SFMBT2: variants seen among roughly 807,000 people sequenced by gnomAD.
SFMBT2 encodes Scm like with four mbt domains 2.
A neutral mutation model predicts 110.1 loss-of-function variants in SFMBT2; 38 were observed. The observed-to-expected ratio is 0.35, with a 90% CI of 0.27 to 0.45. SFMBT2 has a LOEUF of 0.45. Among genes scored for constraint, SFMBT2 ranks in the 20% least tolerant of loss-of-function variants. The pLI is 1.00. For missense variants in SFMBT2, 1,011 were observed against 1,094.9 expected (o/e 0.92, Z 1.08); for synonymous variants, 425 against 425.4 (o/e 1.00, Z 0.01).
chr10:7,248,330 A>C (rs1258462214), intron 8 of SFMBT2, among the ~76,000 whole-genome samples: 1 of 152,268 alleles, frequency 6.6e-6, no homozygotes, highest in African/African-American at 2.4e-5. Context: ...CACCCTATCC[A>C]TGATAAGAGG....
At chr10:7,395,262 G>C (rs1449666807) in intron 1 of SFMBT2, among the ~76,000 whole-genome samples, 4 of 152,162 alleles carry the variant, frequency 2.6e-5, no homozygotes, top group Non-Finnish European at 5.9e-5. Context: ...CTGGGTGACA[G>C]AGCAAGATTC....
chr10:7,251,126 A>G (rs961186313), intron 7 of SFMBT2, among the ~76,000 whole-genome samples: 1 of 152,122 alleles, frequency 6.6e-6, no homozygotes, highest in African/African-American at 2.4e-5. Flanking sequence ...CATGTACCCC[A>G]AAGTATGTAC....
At chr10:7,363,418 G>A (rs933361643) in intron 4 of SFMBT2, among the ~76,000 whole-genome samples, 27 of 151,884 alleles carry the variant, frequency 1.8e-4, no homozygotes, top group South Asian at 8.4e-4. Flanking sequence ...GCGCGATCTC[G>A]GCTCACGGCA....
intron 6 of SFMBT2, among the ~76,000 whole-genome samples, chr10:7,281,874 C>T (rs1164754732): frequency 6.6e-6 from 1 of 152,132 alleles, no homozygotes; most frequent in Non-Finnish European, 1.5e-5. Context: ...TTCACAGAGT[C>T]TCACTCTGTC....
chr10:7,195,661 C>T (rs890804112), intron 15 of SFMBT2, among the ~76,000 whole-genome samples: 3 of 152,146 alleles, frequency 2.0e-5, no homozygotes, highest in South Asian at 4.1e-4. Flanking sequence ...CTTCATCACC[C>T]GCACCCCAGA....
At chr10:7,245,030 T>C (rs1564402511) in intron 8 of SFMBT2, among the ~76,000 whole-genome samples, 1 of 152,236 alleles carries the variant, frequency 6.6e-6, no homozygotes, top group East Asian at 1.9e-4. Flanking sequence ...TGGACAGTCC[T>C]GAAAACTGAT....
At chr10:7,208,163 T>C (rs1282930976) in intron 11 of SFMBT2, among the ~76,000 whole-genome samples, 1 of 152,120 alleles carries the variant, frequency 6.6e-6, no homozygotes, top group East Asian at 1.9e-4. Context: ...CCCAGAGGCA[T>C]CCAATGTGGA....
At chr10:7,369,397 G>T (rs573802897) in intron 3 of SFMBT2, among the ~76,000 whole-genome samples, 1 of 152,132 alleles carries the variant, frequency 6.6e-6, no homozygotes, top group Non-Finnish European at 1.5e-5. Context: ...TAGAACCCAG[G>T]TGAGTTAGAC....
intron 4 of SFMBT2, among the ~76,000 whole-genome samples, chr10:7,334,603 G>A (rs558512402): frequency 1.1e-4 from 17 of 152,142 alleles, no homozygotes; most frequent in Admixed American, 2.6e-4. Context: ...CATTAAAAGC[G>A]GGACCTGTCA....
intron 4 of SFMBT2, among the ~76,000 whole-genome samples, chr10:7,337,799 C>G (rs1410664114): frequency 2.6e-5 from 4 of 152,194 alleles, no homozygotes; most frequent in Non-Finnish European, 5.9e-5. Context: ...TGTACCTGCC[C>G]TGGAATCAAC....
At chr10:7,184,471 G>C (rs1838337465) in intron 16 of SFMBT2, among the ~76,000 whole-genome samples, 1 of 152,170 alleles carries the variant, frequency 6.6e-6, no homozygotes, top group Admixed American at 6.5e-5. Flanking sequence ...GTGGAACTGT[G>C]AGTCCATTTA....
intron 4 of SFMBT2, among the ~76,000 whole-genome samples, chr10:7,304,417 A>C (rs1387045473): frequency 9.2e-5 from 14 of 152,128 alleles, no homozygotes; most frequent in Non-Finnish European, 1.9e-4. Flanking sequence ...TTTATATACA[A>C]ATTACCCAGT....
intron 9 of SFMBT2, among the ~76,000 whole-genome samples, chr10:7,232,919 G>A (rs1840147420): frequency 6.6e-6 from 1 of 152,104 alleles, no homozygotes; most frequent in Non-Finnish European, 1.5e-5. Flanking sequence ...GTAGAATCCT[G>A]ACTTTATCCA....
At chr10:7,359,042 G>A (rs998678506) in intron 4 of SFMBT2, among the ~76,000 whole-genome samples, 1 of 152,230 alleles carries the variant, frequency 6.6e-6, no homozygotes, top group Non-Finnish European at 1.5e-5. Context: ...ACTAGAGGAC[G>A]GTCAGTGGCA....
chr10:7,246,260 A>G, intron 8 of SFMBT2: 8 of 674,642 alleles, frequency 1.2e-5, no homozygotes, highest in Non-Finnish European at 1.5e-5. Context: ...CCTCCCCTCA[A>G]TAAGATCTAT....
At chr10:7,242,321 G>C (rs925133207) in intron 9 of SFMBT2, among the ~76,000 whole-genome samples, 4 of 152,214 alleles carry the variant, frequency 2.6e-5, no homozygotes, top group African/African-American at 9.6e-5. Flanking sequence ...TGTACCAACA[G>C]AGAAACAAAC....
At chr10:7,260,788 G>A (rs1379183911) in intron 7 of SFMBT2, among the ~76,000 whole-genome samples, 1 of 152,082 alleles carries the variant, frequency 6.6e-6, no homozygotes, top group Non-Finnish European at 1.5e-5. Context: ...AATCCCAGGA[G>A]AGCCCTCGTC....
intron 4 of SFMBT2, among the ~76,000 whole-genome samples, chr10:7,363,406 T>C (rs1466742857): frequency 6.6e-6 from 1 of 151,958 alleles, no homozygotes; most frequent in South Asian, 2.1e-4. Context: ...TGGAGTGCAG[T>C]GGCGCGATCT....
At chr10:7,330,592 T>C (rs1449575750) in intron 4 of SFMBT2, among the ~76,000 whole-genome samples, 1 of 152,080 alleles carries the variant, frequency 6.6e-6, no homozygotes, top group East Asian at 1.9e-4. Context: ...ACCATAATTA[T>C]ACAAGCAAGA....
Sources: allele counts gnomAD v4.1 joint callset (sites outside exome capture counted in the v4.1 genomes callset), GRCh38; gene constraint gnomAD v4.1.1; transcripts MANE v1.5; gene names NCBI Gene and HGNC (gene_info 2026-07-23, HGNC 2026-07-21).